The following SLC35H1 variants were observed in gnomAD, a reference collection of about 807,000 sequenced individuals.
The protein encoded by SLC35H1 is ovarian cancer-overexpressed gene 1 protein.
the SLC35H1 span, among the ~76,000 whole-genome samples, chr20:46,361,423 C>G: frequency 6.6e-6 from 1 of 152,208 alleles, no homozygotes; most frequent in Non-Finnish European, 1.5e-5. Context: ...CTGCAGGAGT[C>G]TCCTACACGG....
At chr20:46,358,624 G>T in the SLC35H1 span, 1 of 1,567,560 alleles carries the variant, frequency 6.4e-7, no homozygotes, top group Non-Finnish European at 8.7e-7. Context: ...AACGTCTCCA[G>T]GCTGGAGGAG....
chr20:46,350,952 G>C, the SLC35H1 span: 1 of 1,601,224 alleles, frequency 6.2e-7, no homozygotes, highest in Non-Finnish European at 8.5e-7. Context: ...TTGACCAGGA[G>C]GGTGGAAGGT....
At chr20:46,352,552 G>A in the SLC35H1 span, 15 of 254,648 alleles carry the variant, frequency 5.9e-5, no homozygotes, top group Non-Finnish European at 9.2e-5. Context: ...GGATCCTAGC[G>A]GGATGATGGG....
the SLC35H1 span, among the ~76,000 whole-genome samples, chr20:46,359,334 C>T: frequency 3.9e-5 from 6 of 152,166 alleles, no homozygotes. Context: ...TTTCATAGCA[C>T]TTGTGCAGGG....
chr20:46,353,268 AATGCAAACAC>A, the SLC35H1 span: 1 of 152,190 alleles, frequency 6.6e-6, no homozygotes, highest in Non-Finnish European at 1.5e-5. Context: ...CCAAAAAGAA[AATGCAAACAC>A]ATGGCCCCTT....
At chr20:46,353,492 C>T in the SLC35H1 span, among the ~76,000 whole-genome samples, 2 of 152,060 alleles carry the variant, frequency 1.3e-5, no homozygotes, top group South Asian at 2.1e-4. Flanking sequence ...GGAAGCTGGA[C>T]GAGTATTTTG....
At chr20:46,360,003 G>A in the SLC35H1 span, among the ~76,000 whole-genome samples, 1 of 152,218 alleles carries the variant, frequency 6.6e-6, no homozygotes, top group Admixed American at 6.5e-5. Context: ...CTTCAGAGGA[G>A]CTTTGGAAAC....
At chr20:46,359,384 C>T in the SLC35H1 span, among the ~76,000 whole-genome samples, 9 of 152,256 alleles carry the variant, frequency 5.9e-5, no homozygotes, top group South Asian at 4.1e-4. Context: ...AGGCTACGAG[C>T]GGCACAAAGA....
At chr20:46,361,494 G>GC in the SLC35H1 span, among the ~76,000 whole-genome samples, 3 of 152,188 alleles carry the variant, frequency 2.0e-5, no homozygotes, top group Non-Finnish European at 4.4e-5. Flanking sequence ...GGGCGCATGG[G>GC]CCTCAAACAT....
the SLC35H1 span, chr20:46,350,865 G>A: frequency 6.2e-7 from 1 of 1,614,044 alleles, no homozygotes. Context: ...CAGCAGATGA[G>A]CTGCCAACAG....
At chr20:46,357,801 G>A in the SLC35H1 span, 40 of 1,612,810 alleles carry the variant, frequency 2.5e-5, no homozygotes, top group South Asian at 4.4e-5. Flanking sequence ...CAGACACCCC[G>A]GCTTGGTTTA....
At chr20:46,360,475 T>C in the SLC35H1 span, among the ~76,000 whole-genome samples, 5 of 152,242 alleles carry the variant, frequency 3.3e-5, no homozygotes, top group Non-Finnish European at 7.3e-5. Flanking sequence ...GAAACTTACA[T>C]ATTGAAACAT....
the SLC35H1 span, chr20:46,350,965 G>A: frequency 6.3e-7 from 1 of 1,575,646 alleles, no homozygotes; most frequent in Non-Finnish European, 8.7e-7. Flanking sequence ...TGGAAGGTGG[G>A]GGCACTAGGT....
the SLC35H1 span, chr20:46,356,021 G>C: frequency 1.6e-6 from 2 of 1,217,516 alleles, no homozygotes; most frequent in East Asian, 5.1e-5. Context: ...TAATCAGAAG[G>C]AATCTCTGAC....
At chr20:46,361,555 C>G in the SLC35H1 span, among the ~76,000 whole-genome samples, 1 of 152,228 alleles carries the variant, frequency 6.6e-6, no homozygotes, top group Non-Finnish European at 1.5e-5. Context: ...CAGGGTTTCT[C>G]AACCTGGGCG....
chr20:46,363,736 C>T, the SLC35H1 span, among the ~76,000 whole-genome samples: 40 of 152,338 alleles, frequency 2.6e-4, no homozygotes, highest in Non-Finnish European at 5.1e-4. Flanking sequence ...GGCCTGGAAT[C>T]TATAAAGCAG....
chr20:46,357,485 G>GCT, the SLC35H1 span: 1 of 1,080,504 alleles, frequency 9.3e-7, no homozygotes, highest in South Asian at 1.5e-5. Flanking sequence ...GGGAGGCCAG[G>GCT]TCAAGAGGGC....
the SLC35H1 span, among the ~76,000 whole-genome samples, chr20:46,359,431 C>G: frequency 6.6e-6 from 1 of 152,204 alleles, no homozygotes; most frequent in Non-Finnish European, 1.5e-5. Flanking sequence ...TTACGCACAG[C>G]TGGTGTACTT....
the SLC35H1 span, chr20:46,355,368 G>A: frequency 9.3e-7 from 1 of 1,070,694 alleles, no homozygotes; most frequent in Non-Finnish European, 1.3e-6. This position sits in a 1 kb window ranked among gnomAD's most constrained non-coding sequence, Gnocchi z 4.8. Context: ...CCACCCTTCA[G>A]CTCCATCCCA....
Sources: gnomAD v4.1 joint callset for allele counts (sites outside exome capture counted in the v4.1 genomes callset) on GRCh38, gnomAD v4.1.1 for gene constraint, Gnocchi (gnomAD v3.1) non-coding constraint, MANE v1.5 for transcripts, NCBI Gene and HGNC (gene_info 2026-07-23, HGNC 2026-07-21) for gene names.